The following LEF1 variants were observed in gnomAD, a reference collection of about 807,000 sequenced individuals.
The protein encoded by LEF1 is lymphoid enhancer binding factor 1, also known as lymphoid enhancer-binding factor 1.
Under a neutral mutation model 51.2 loss-of-function variants are expected in LEF1, and 14 were observed. That is an observed-to-expected ratio of 0.27 (90% CI 0.18 to 0.43). The LOEUF (loss-of-function observed/expected upper bound fraction) is 0.43. LEF1 is among the 20% of genes least tolerant of loss of function. The probability of loss-of-function intolerance (pLI) is 1.00; values close to 1 mark genes in which losing one functional copy is unlikely to be tolerated. For synonymous variants in LEF1, 185 were observed against 183.2 expected (o/e 1.01, Z -0.08); for missense variants, 386 against 512.0 (o/e 0.75, Z 2.37).
At chr4:108,053,074 T>C (rs1443766412) in intron 11 of LEF1, among the ~76,000 whole-genome samples, 2 of 152,120 alleles carry the variant, frequency 1.3e-5, no homozygotes, top group Non-Finnish European at 2.9e-5. Flanking sequence ...CTTCTCTCCT[T>C]CCTACCTTCC....
At chr4:108,102,585 T>C (rs1238607326) in intron 3 of LEF1, among the ~76,000 whole-genome samples, 5 of 152,152 alleles carry the variant, frequency 3.3e-5, no homozygotes, top group Non-Finnish European at 7.4e-5. Flanking sequence ...GTCAGTTGCA[T>C]AGACATAAAG....
chr4:108,063,222 G>C (rs1737817298), intron 11 of LEF1, among the ~76,000 whole-genome samples: 1 of 152,120 alleles, frequency 6.6e-6, no homozygotes, highest in Non-Finnish European at 1.5e-5. Flanking sequence ...CAAAAGCTTG[G>C]GAGTTCTGGG....
At chr4:108,144,593 G>A (rs777847648) in intron 3 of LEF1, among the ~76,000 whole-genome samples, 16 of 152,128 alleles carry the variant, frequency 1.1e-4, no homozygotes, top group Non-Finnish European at 1.6e-4. Flanking sequence ...TACATCTTTG[G>A]TTTAAAATAG....
At position 108,166,234 on chromosome 4, in the gene LEF1, T is replaced by C. The variant is rs1013600606; in HGVS notation, c.214-1071A>G. 3.9e-6 allele frequency: 6 copies of C among 1,533,952 alleles called. No individual in the cohort carries two copies. The African/African-American group carries it at 5.5e-5, about 14-fold the overall frequency. On this transcript the variant is annotated intron_variant, in intron 1 of 11. Coordinates refer to ENST00000265165, the MANE Select transcript of LEF1 (RefSeq NM_016269.5). ...GGGTAAAGAACACCATTCTGTTCTCTGAACGCAGGCCCCCAGCCTTTCAAA... is the reference window on the plus strand; with the variant it reads ...GGGTAAAGAACACCATTCTGTTCTCCGAACGCAGGCCCCCAGCCTTTCAAA...
At chr4:108,165,996 G>C (rs1401704852) in intron 1 of LEF1, among the ~76,000 whole-genome samples, 8 of 152,190 alleles carry the variant, frequency 5.3e-5, no homozygotes. Context: ...ATTATTTATG[G>C]ACTAAGGCAG....
intron 2 of LEF1, among the ~76,000 whole-genome samples, chr4:108,164,305 T>C (rs1219699222): frequency 6.6e-6 from 1 of 152,196 alleles, no homozygotes; most frequent in Non-Finnish European, 1.5e-5. Flanking sequence ...GATATGTGTA[T>C]TTCTTCTTGT....
chr4:108,100,440 C>T (rs1043440673), intron 3 of LEF1, among the ~76,000 whole-genome samples: 1 of 152,156 alleles, frequency 6.6e-6, no homozygotes, highest in Admixed American at 6.5e-5. Flanking sequence ...AAGGGCATTT[C>T]TGTGAATATA....
chr4:108,136,748 T>G (rs1244259145), intron 3 of LEF1, among the ~76,000 whole-genome samples: 2 of 152,136 alleles, frequency 1.3e-5, no homozygotes, highest in Non-Finnish European at 1.5e-5. Flanking sequence ...ACATAAATGT[T>G]TGTGATTATT....
chr4:108,048,600 G>T lies in LEF1; in HGVS notation c.*158C>A. On this transcript the variant is annotated 3_prime_UTR_variant, in exon 12 of 12. Coordinates refer to ENST00000265165, the MANE Select transcript of LEF1 (RefSeq NM_016269.5). ...TTTATGGATCAGCGTCTCTAGCAGT[G>T]ACCTCAGGGTAAAATTGATGTCAGT... The T allele has an allele frequency of 1.1e-6, 1 of 928,976 alleles. No homozygotes were observed. Among genetic ancestry groups the T allele is most frequent in the Non-Finnish European group, 1.6e-6 (1 of 625,686 alleles). The allele number at this position is 928,976 out of a possible 1,614,324, so 57.5% of individuals were successfully genotyped here.
At chr4:108,125,388 C>T (rs1742462181) in intron 3 of LEF1, among the ~76,000 whole-genome samples, 1 of 152,148 alleles carries the variant, frequency 6.6e-6, no homozygotes, top group African/African-American at 2.4e-5. Context: ...ATCTAAAACC[C>T]CTGACCTCAG....
At chr4:108,139,676 T>C (rs1743516763) in intron 3 of LEF1, among the ~76,000 whole-genome samples, 1 of 152,244 alleles carries the variant, frequency 6.6e-6, no homozygotes, top group Non-Finnish European at 1.5e-5. Flanking sequence ...GCTGCCATTT[T>C]GTGAGAGACC....
chr4:108,158,576 A>G (rs1042845635), intron 3 of LEF1, among the ~76,000 whole-genome samples: 2 of 152,206 alleles, frequency 1.3e-5, no homozygotes, highest in African/African-American at 4.8e-5. Flanking sequence ...GTCTTTTACC[A>G]AAATCAAAAG....
chr4:108,100,097 A>G (rs1740713699), intron 3 of LEF1, among the ~76,000 whole-genome samples: 1 of 152,172 alleles, frequency 6.6e-6, no homozygotes, highest in African/African-American at 2.4e-5. Context: ...CACAGGATAT[A>G]TTTATATGAG....
intron 3 of LEF1, among the ~76,000 whole-genome samples, chr4:108,106,428 C>A (rs1578350325): frequency 6.6e-6 from 1 of 152,048 alleles, no homozygotes; most frequent in South Asian, 2.1e-4. Context: ...GAGAAAGAGG[C>A]TTCCAGGTTT....
chr4:108,073,145 G>A (rs1474532047), intron 8 of LEF1, among the ~76,000 whole-genome samples: 1 of 152,170 alleles, frequency 6.6e-6, no homozygotes, highest in African/African-American at 2.4e-5. Context: ...CAGCACTTTG[G>A]GAGGCTGAGG....
chr4:108,120,084 T>G (rs1742081121), intron 3 of LEF1, among the ~76,000 whole-genome samples: 1 of 151,278 alleles, frequency 6.6e-6, no homozygotes, highest in Non-Finnish European at 1.5e-5. Flanking sequence ...CAGGCTGGAG[T>G]GCAGTGGTGT....
chr4:108,146,008 T>A (rs572078715), intron 3 of LEF1, among the ~76,000 whole-genome samples: 1 of 152,232 alleles, frequency 6.6e-6, no homozygotes, highest in Non-Finnish European at 1.5e-5. Flanking sequence ...ATGTGAATTA[T>A]ATCTCAATAA....
At chr4:108,139,068 A>G (rs1374448220) in intron 3 of LEF1, among the ~76,000 whole-genome samples, 4 of 152,222 alleles carry the variant, frequency 2.6e-5, no homozygotes, top group Non-Finnish European at 4.4e-5. Flanking sequence ...CTGCCATGGT[A>G]TAATTGTAAG....
At chr4:108,077,531 G>A (rs878958665) in intron 8 of LEF1, among the ~76,000 whole-genome samples, 4 of 15,474 alleles carry the variant, frequency 2.6e-4, no homozygotes, top group Non-Finnish European at 3.9e-4. Flanking sequence ...CCCGGCTGCC[G>A]CCCCGTCTGG....
Sources: gnomAD v4.1 joint callset for allele counts (sites outside exome capture counted in the v4.1 genomes callset) on GRCh38, gnomAD v4.1.1 for gene constraint, MANE v1.5 for transcripts, NCBI Gene and HGNC (gene_info 2026-07-23, HGNC 2026-07-21) for gene names.